The following KCNJ3 variants were observed in gnomAD, a reference collection of about 807,000 sequenced individuals.
KCNJ3 encodes the protein potassium inwardly rectifying channel subfamily J member 3.
KCNJ3 carries 4 observed loss-of-function variants against 39.2 expected under a neutral mutation model. The observed-to-expected ratio is 0.10, with a 90% CI of 0.05 to 0.23. The LOEUF (loss-of-function observed/expected upper bound fraction) is 0.23. KCNJ3 is among the 10% of genes least tolerant of loss of function. KCNJ3 has a pLI of 1.00. For missense variants in KCNJ3, 276 were observed against 634.9 expected (o/e 0.43, Z 6.08); for synonymous variants, 230 against 237.4 (o/e 0.97, Z 0.29).
chr2:154,716,491 C>T (rs907700585), intron 2 of KCNJ3, among the ~76,000 whole-genome samples: 7 of 151,872 alleles, frequency 4.6e-5, no homozygotes, highest in African/African-American at 1.7e-4. Flanking sequence ...CTATTGGCTA[C>T]GAATTTTATT....
chr2:154,809,064 G>A (rs1420507290), intron 2 of KCNJ3, among the ~76,000 whole-genome samples: 1 of 152,160 alleles, frequency 6.6e-6, no homozygotes, highest in Non-Finnish European at 1.5e-5. Flanking sequence ...CAATGATGTA[G>A]CTGGAGTTTG....
At chr2:154,723,697 A>C (rs1685302136) in intron 2 of KCNJ3, among the ~76,000 whole-genome samples, 2 of 152,208 alleles carry the variant, frequency 1.3e-5, no homozygotes, top group African/African-American at 4.8e-5. Flanking sequence ...AATGCTTTAC[A>C]TTAATGGGGT....
chr2:154,825,544 A>AT (rs1364908434), intron 2 of KCNJ3, among the ~76,000 whole-genome samples: 12 of 25,252 alleles, frequency 4.8e-4, no homozygotes, highest in African/African-American at 6.9e-4. Flanking sequence ...TCATGAAATT[A>AT]TTTATTTATT....
chr2:154,850,968 G>A (rs1433656180), intron 2 of KCNJ3, among the ~76,000 whole-genome samples: 3 of 152,004 alleles, frequency 2.0e-5, no homozygotes, highest in African/African-American at 7.2e-5. Flanking sequence ...ACAAATTACT[G>A]GCTGGGCATA....
intron 2 of KCNJ3, among the ~76,000 whole-genome samples, chr2:154,717,142 G>A (rs1685195156): frequency 6.6e-6 from 1 of 152,202 alleles, no homozygotes; most frequent in African/African-American, 2.4e-5. Context: ...AAGCTCAGCA[G>A]GAGAGTAGAG....
At chr2:154,708,655 A>G (rs1685054258) in intron 1 of KCNJ3, among the ~76,000 whole-genome samples, 1 of 152,116 alleles carries the variant, frequency 6.6e-6, no homozygotes, top group South Asian at 2.1e-4. Flanking sequence ...CATGATTATT[A>G]TATGTGACCG....
intron 2 of KCNJ3, among the ~76,000 whole-genome samples, chr2:154,779,597 G>A (rs1326000321): frequency 6.7e-6 from 1 of 149,272 alleles, no homozygotes; most frequent in East Asian, 1.9e-4. Context: ...AGGCTGGAGT[G>A]CAGTGGCATG....
intron 2 of KCNJ3, among the ~76,000 whole-genome samples, chr2:154,827,624 AT>A (rs1687291609): frequency 6.6e-6 from 1 of 152,102 alleles, no homozygotes; most frequent in South Asian, 2.1e-4. Flanking sequence ...ATCTAGTGAC[AT>A]TTGGAAGACT....
chr2:154,833,223 C>T (rs1687392153), intron 2 of KCNJ3, among the ~76,000 whole-genome samples: 2 of 152,156 alleles, frequency 1.3e-5, no homozygotes, highest in Admixed American at 6.6e-5. Context: ...TGTAATCATA[C>T]AGCCTTTGTG....
At chr2:154,821,057 T>C (rs530201802) in intron 2 of KCNJ3, among the ~76,000 whole-genome samples, 1 of 152,106 alleles carries the variant, frequency 6.6e-6, no homozygotes, top group Admixed American at 6.5e-5. Flanking sequence ...TTTCTCTTAA[T>C]TATACTCATT....
intron 2 of KCNJ3, among the ~76,000 whole-genome samples, chr2:154,734,369 C>A (rs1054352418): frequency 1.3e-5 from 2 of 152,164 alleles, no homozygotes; most frequent in Admixed American, 6.5e-5. Flanking sequence ...TTAAGAAAAT[C>A]TAGGATGATT....
chr2:154,715,225 G>C (rs1454361512), intron 2 of KCNJ3, among the ~76,000 whole-genome samples: 1 of 152,172 alleles, frequency 6.6e-6, no homozygotes, highest in African/African-American at 2.4e-5. Context: ...GAGGATCTCT[G>C]TTTGCATACA....
chr2:154,833,961 G>A (rs1687406520), intron 2 of KCNJ3, among the ~76,000 whole-genome samples: 1 of 151,956 alleles, frequency 6.6e-6, no homozygotes, highest in African/African-American at 2.4e-5. Context: ...TTCCAAGTTT[G>A]GGCAATTATA....
intron 2 of KCNJ3, among the ~76,000 whole-genome samples, chr2:154,793,531 T>C (rs1312866408): frequency 6.6e-6 from 1 of 152,100 alleles, no homozygotes; most frequent in East Asian, 1.9e-4. Context: ...AAAGTGTGAT[T>C]GCTTGGGCTT....
intron 2 of KCNJ3, among the ~76,000 whole-genome samples, chr2:154,818,624 A>C (rs550128847): frequency 6.6e-6 from 1 of 152,316 alleles, no homozygotes; most frequent in African/African-American, 2.4e-5. Context: ...ATACACCTAA[A>C]AAAATGTCTG....
intron 2 of KCNJ3, among the ~76,000 whole-genome samples, chr2:154,734,639 TATTA>T (rs1685494342): frequency 6.6e-6 from 1 of 152,158 alleles, no homozygotes. Flanking sequence ...ACCCCTCTAC[TATTA>T]ATTCTCATGC....
At chr2:154,811,803 GT>G (rs1193181552) in intron 2 of KCNJ3, among the ~76,000 whole-genome samples, 2 of 152,162 alleles carry the variant, frequency 1.3e-5, no homozygotes, top group African/African-American at 2.4e-5. Context: ...CAAATTGTAG[GT>G]TTGTAGCAGA....
intron 2 of KCNJ3, among the ~76,000 whole-genome samples, chr2:154,721,984 T>C (rs1365353622): frequency 1.3e-5 from 2 of 152,196 alleles, no homozygotes; most frequent in African/African-American, 2.4e-5. Context: ...AAAGACTATA[T>C]TTTGTTAACA....
At chr2:154,702,139 T>G (rs1259694892) in intron 1 of KCNJ3, among the ~76,000 whole-genome samples, 6 of 151,986 alleles carry the variant, frequency 3.9e-5, no homozygotes, top group African/African-American at 1.4e-4. Context: ...CCTATCAGTT[T>G]TATACATTAT....
Sources: gnomAD v4.1 joint callset for allele counts (sites outside exome capture counted in the v4.1 genomes callset) on GRCh38, gnomAD v4.1.1 for gene constraint, MANE v1.5 for transcripts, NCBI Gene and HGNC (gene_info 2026-07-23, HGNC 2026-07-21) for gene names.